The following UVSSA variants were observed in gnomAD, a reference collection of about 807,000 sequenced individuals.
UVSSA encodes the protein UV stimulated scaffold protein A, also known as UV-stimulated scaffold protein A.
Under a neutral mutation model 73.9 loss-of-function variants are expected in UVSSA, and 72 were observed. That is an observed-to-expected ratio of 0.97 (90% CI 0.81 to 1.19). The LOEUF (loss-of-function observed/expected upper bound fraction) is 1.19, where lower values mean the gene tolerates loss of function less well. UVSSA is among the 50% of genes most tolerant of loss of function. The pLI, the probability that UVSSA is intolerant of heterozygous loss-of-function variation, is 0.00. For synonymous variants in UVSSA, 454 were observed against 391.3 expected (o/e 1.16, Z -1.89); for missense variants, 1,150 against 965.0 (o/e 1.19, Z -2.54).
At chr4:1,393,776 C>T (rs1270573088) in exon 14 of UVSSA, 1 of 154,338 alleles carries the variant, frequency 6.5e-6, no homozygotes, top group Non-Finnish European at 1.4e-5. Flanking sequence ...GAAGACTGGA[C>T]ACTTTAATAA....
chr4:1,394,802 C>A, exon 14 of UVSSA: 1 of 1,528,144 alleles, frequency 6.5e-7, no homozygotes, highest in East Asian at 2.4e-5. Context: ...GCCACCTGCT[C>A]ACACACGTGC....
intron 11 of UVSSA, 152 bp downstream of exon 11, chr4:1,380,382 A>G (rs777546435): frequency 2.3e-4 from 269 of 1,155,890 alleles, no homozygotes; most frequent in Non-Finnish European, 3.0e-4. Flanking sequence ...GTGGGCAGAA[A>G]TTGCTTAGCC....
chr4:1,394,247 A>C, exon 14 of UVSSA: 1 of 667,318 alleles, frequency 1.5e-6, no homozygotes, highest in Non-Finnish European at 2.4e-6. Context: ...CACTGTGGGC[A>C]TCTCGTTCCT....
intron 5 of UVSSA, among the ~76,000 whole-genome samples, chr4:1,353,825 G>T (rs908786422): frequency 2.0e-5 from 3 of 152,206 alleles, no homozygotes; most frequent in African/African-American, 7.2e-5. Context: ...GTCCCGTGTC[G>T]CCATGAGGGG....
chr4:1,379,977 C>T (rs1229854582), intron 10 of UVSSA, 70 bp from the exon 11 acceptor site: 1 of 1,509,358 alleles, frequency 6.6e-7, no homozygotes, highest in Non-Finnish European at 8.9e-7. Flanking sequence ...TCCCCTGTGC[C>T]TGCACCACCG....
At chr4:1,369,874 G>C (rs142644897) in intron 8 of UVSSA, among the ~76,000 whole-genome samples, 1 of 152,274 alleles carries the variant, frequency 6.6e-6, no homozygotes, top group Non-Finnish European at 1.5e-5. Context: ...TACTGGACTC[G>C]AGTGAGACGC....
chr4:1,362,851 C>G (rs4974607), intron 7 of UVSSA, among the ~76,000 whole-genome samples: 52,441 of 152,014 alleles, frequency 0.34, 9,462 homozygotes, highest in Non-Finnish European at 0.4. Context: ...CCCTGGTGAC[C>G]ACGCCGTTCC....
chr4:1,371,419 C>A (rs929654722), intron 8 of UVSSA, among the ~76,000 whole-genome samples: 1 of 151,992 alleles, frequency 6.6e-6, no homozygotes, highest in Non-Finnish European at 1.5e-5. Context: ...TGACTGAGGC[C>A]CCTGTTGACT....
chr4:1,366,076 C>A, intron 7 of UVSSA: 1 of 324,206 alleles, frequency 3.1e-6, no homozygotes, highest in Non-Finnish European at 5.6e-6. Context: ...GGTTACAGTT[C>A]GTGGTTTTAA....
At chr4:1,356,081 C>G (rs1385399343) in intron 7 of UVSSA, among the ~76,000 whole-genome samples, 1 of 152,166 alleles carries the variant, frequency 6.6e-6, no homozygotes, top group Non-Finnish European at 1.5e-5. Context: ...TGCTGTCTCT[C>G]AGGCACCTCT....
intron 5 of UVSSA, among the ~76,000 whole-genome samples, chr4:1,354,281 G>A (rs1435772186): frequency 6.6e-6 from 1 of 152,182 alleles, no homozygotes; most frequent in Admixed American, 6.5e-5. Flanking sequence ...TGCCACAGCG[G>A]GGGAAGCCAC....
At chr4:1,369,315 G>T (rs995312714) in intron 8 of UVSSA, among the ~76,000 whole-genome samples, 2 of 152,220 alleles carry the variant, frequency 1.3e-5, no homozygotes, top group Admixed American at 6.5e-5. Context: ...TCTGGGGTGC[G>T]CAGGGAGGAC....
intron 12 of UVSSA, among the ~76,000 whole-genome samples, chr4:1,381,371 C>T (rs1719480237): frequency 6.6e-6 from 1 of 152,268 alleles, no homozygotes; most frequent in South Asian, 2.1e-4. Context: ...AGGAACCCCT[C>T]TGGCCTCCTC....
At chr4:1,354,440 G>A in intron 5 of UVSSA, 1 of 433,394 alleles carries the variant, frequency 2.3e-6, no homozygotes, top group Non-Finnish European at 4.3e-6. Context: ...GTGAGTAGAA[G>A]AGGCTGTGGG....
At chr4:1,364,377 C>T (rs1352952162) in intron 7 of UVSSA, among the ~76,000 whole-genome samples, 3 of 152,190 alleles carry the variant, frequency 2.0e-5, no homozygotes, top group African/African-American at 7.2e-5. Context: ...CTTGTGTGGC[C>T]TGGCTCCGTG....
downstream of UVSSA, chr4:1,391,442 T>C (rs1720413345): frequency 6.6e-6 from 1 of 152,242 alleles, no homozygotes; most frequent in African/African-American, 2.4e-5. Flanking sequence ...TCCTTCAGTT[T>C]TGTCAGCTTT....
chr4:1,366,455 G>A (rs199822999), intron 8 of UVSSA, 24 bp downstream of exon 8: 1 of 1,570,790 alleles, frequency 6.4e-7, no homozygotes, highest in South Asian at 1.2e-5. Flanking sequence ...CCCGTGGGGG[G>A]GGCACCTGGG....
intron 12 of UVSSA, 60 bp from the exon 13 acceptor site, chr4:1,383,706 C>T (rs1213020707): frequency 9.4e-6 from 15 of 1,602,210 alleles, no homozygotes; most frequent in Middle Eastern, 3.3e-4. Flanking sequence ...CTGGGGGCCT[C>T]GGGTAAGAGG....
At chr4:1,350,133 G>A (rs1042196512) in intron 3 of UVSSA, among the ~76,000 whole-genome samples, 8 of 152,142 alleles carry the variant, frequency 5.3e-5, no homozygotes, top group Non-Finnish European at 7.3e-5. Flanking sequence ...TTTTATGTGC[G>A]TGTAGGAGAC....
Sources: allele counts gnomAD v4.1 joint callset (sites outside exome capture counted in the v4.1 genomes callset), GRCh38; gene constraint gnomAD v4.1.1; transcripts MANE v1.5; gene names NCBI Gene and HGNC (gene_info 2026-07-23, HGNC 2026-07-21).